Variants in NCOA2 observed in about 807,000 individuals in gnomAD.
The protein encoded by NCOA2 is nuclear receptor coactivator 2, also known as class E basic helix-loop-helix protein 75.
NCOA2 carries 21 observed loss-of-function variants against 145.1 expected under a neutral mutation model. The observed-to-expected ratio is 0.14, with a 90% CI of 0.10 to 0.21. The LOEUF is 0.21. Among genes scored for constraint, NCOA2 ranks in the 10% least tolerant of loss-of-function variants. The pLI is 1.00. For missense variants in NCOA2, 1,472 were observed against 1,837.6 expected, an observed-to-expected ratio of 0.80 and a Z score of 3.64; for synonymous variants, 619 against 637.5, an observed-to-expected ratio of 0.97 and a Z score of 0.44.
At chr8:70,204,474 T>C (rs779938454) in intron 4 of NCOA2, among the ~76,000 whole-genome samples, 4 of 152,196 alleles carry the variant, frequency 2.6e-5, no homozygotes, top group Non-Finnish European at 5.9e-5. Context: ...AACAAAAATA[T>C]TGTAAATAAT....
chr8:70,324,678 C>T (rs912179733), intron 1 of NCOA2, among the ~76,000 whole-genome samples: 39 of 152,150 alleles, frequency 2.6e-4, no homozygotes, highest in African/African-American at 9.4e-4. Context: ...GATCAACAAC[C>T]TTTAAAAGAA....
At chr8:70,355,333 A>G (rs932689608) in intron 1 of NCOA2, among the ~76,000 whole-genome samples, 1 of 152,196 alleles carries the variant, frequency 6.6e-6, no homozygotes, top group Non-Finnish European at 1.5e-5. Context: ...TCAAGCCAGA[A>G]TATCTCGCAA....
rs534586071 is a variant in NCOA2, at chr8:70,273,697, T to C, written c.-20+23047A>G. ...TCTTAAACCAGCTTGGTGCAGGCAG[T>C]CTGACTAGTTTAAGGACTGGCTGAA... is the stretch of plus-strand genomic sequence containing the variant. On this transcript the variant is annotated intron_variant, in intron 2 of 22. Transcript: ENST00000452400. The C allele has an allele frequency of 2.8e-4, 183 of 643,004 alleles. No homozygotes were observed. In the African/African-American group the frequency reaches 2.9e-3, roughly 10 times the overall value. The allele number at this position is 643,004 out of a possible 1,614,324, so 39.8% of individuals were successfully genotyped here.
chr8:70,173,915 C>T (rs1814535466), intron 5 of NCOA2, among the ~76,000 whole-genome samples: 1 of 152,194 alleles, frequency 6.6e-6, no homozygotes, highest in South Asian at 2.1e-4. Context: ...TTATTGTCTG[C>T]TGCAGCAAGC....
chr8:70,310,015 G>A (rs1828188850), intron 1 of NCOA2, among the ~76,000 whole-genome samples: 1 of 151,580 alleles, frequency 6.6e-6, no homozygotes, highest in African/African-American at 2.4e-5. Context: ...GCTTTTTATG[G>A]ACATAACCAA....
intron 1 of NCOA2, among the ~76,000 whole-genome samples, chr8:70,313,057 T>C (rs1342862435): frequency 1.3e-5 from 2 of 152,198 alleles, no homozygotes; most frequent in Non-Finnish European, 2.9e-5. Context: ...GATCTGTATC[T>C]AAAATTGGGA....
At chr8:70,249,832 T>C (rs1461027665) in intron 2 of NCOA2, among the ~76,000 whole-genome samples, 1 of 149,794 alleles carries the variant, frequency 6.7e-6, no homozygotes, top group Admixed American at 6.7e-5. Context: ...GGCGTGGTGG[T>C]GTGTGCCTGT....
intron 2 of NCOA2, among the ~76,000 whole-genome samples, chr8:70,253,557 C>T (rs758209851): frequency 4.0e-5 from 6 of 150,306 alleles, no homozygotes; most frequent in African/African-American, 1.2e-4. Flanking sequence ...TGTCAAATAC[C>T]GCCCAGAAAA....
At position 70,151,759 on chromosome 8, in the gene NCOA2, T is replaced by C. The variant is rs546090259; in HGVS notation, c.2395-3276A>G. Among the ~76,000 whole-genome samples, 5 of 152,348 alleles carry C rather than the reference T, an allele frequency of 3.3e-5. No homozygotes were observed. The East Asian group carries it at 9.6e-4, about 29-fold the overall frequency. The stretch of plus-strand genomic sequence containing the variant: ...GATAATATTGCTTTGCCTGTGTTTA[T>C]TCCTTGTCAATTTATGGAGTACACA... On this transcript the variant is annotated intron_variant, in intron 11 of 22. Transcript: ENST00000452400.
chr8:70,194,472 G>T (rs1383044607), intron 4 of NCOA2, among the ~76,000 whole-genome samples: 1 of 152,044 alleles, frequency 6.6e-6, no homozygotes, highest in Non-Finnish European at 1.5e-5. Context: ...TTTATCTAGA[G>T]GTTACATCGC....
upstream of NCOA2, among the ~76,000 whole-genome samples, chr8:70,406,594 A>G (rs1288388782): frequency 6.6e-6 from 1 of 152,214 alleles, no homozygotes; most frequent in Non-Finnish European, 1.5e-5. Context: ...CATACCGTGA[A>G]TGGATGAGGC....
intron 1 of NCOA2, among the ~76,000 whole-genome samples, chr8:70,323,311 T>C (rs911855901): frequency 3.9e-5 from 6 of 152,222 alleles, no homozygotes; most frequent in Admixed American, 2.6e-4. Context: ...GTATAATGGC[T>C]AGCTAAAGTT....
intron 1 of NCOA2, among the ~76,000 whole-genome samples, chr8:70,397,078 C>A (rs1027301704): frequency 6.6e-6 from 1 of 152,182 alleles, no homozygotes; most frequent in Non-Finnish European, 1.5e-5. Context: ...ATCAAAAAAG[C>A]CTGTATCAGG....
At chr8:70,328,666 C>T (rs892931928) in intron 1 of NCOA2, among the ~76,000 whole-genome samples, 2 of 152,138 alleles carry the variant, frequency 1.3e-5, no homozygotes, top group Non-Finnish European at 2.9e-5. Flanking sequence ...CACACCTATT[C>T]ATCTGTACAC....
chr8:70,187,191 C>T (rs1049385862), intron 4 of NCOA2, among the ~76,000 whole-genome samples: 1 of 152,162 alleles, frequency 6.6e-6, no homozygotes, highest in Admixed American at 6.5e-5. Flanking sequence ...AAGCCCAGCA[C>T]AAGTGTGAAA....
intron 1 of NCOA2, among the ~76,000 whole-genome samples, chr8:70,371,346 T>A (rs1811198388): frequency 2.0e-5 from 3 of 151,882 alleles, no homozygotes; most frequent in Non-Finnish European, 4.4e-5. Context: ...AACGTACACC[T>A]GAAAATGGTT....
chr8:70,173,872 G>A (rs80031681), intron 5 of NCOA2, among the ~76,000 whole-genome samples: 2 of 152,032 alleles, frequency 1.3e-5, no homozygotes, highest in African/African-American at 2.4e-5. Context: ...AGATAAGGGG[G>A]ACTATTGGTT....
chr8:70,318,668 T>C (rs754577947), intron 1 of NCOA2, among the ~76,000 whole-genome samples: 2 of 152,042 alleles, frequency 1.3e-5, no homozygotes, highest in Non-Finnish European at 2.9e-5. Flanking sequence ...CTCGGGAGGC[T>C]GTGGGAGGAT....
the NCOA2 span, among the ~76,000 whole-genome samples, chr8:70,428,762 C>A: frequency 1.3e-5 from 2 of 151,876 alleles, no homozygotes; most frequent in African/African-American, 4.8e-5. Flanking sequence ...AGCAGTGTGC[C>A]CAAAGCAAGG....
Sources: allele counts gnomAD v4.1 joint callset (sites outside exome capture counted in the v4.1 genomes callset), GRCh38; gene constraint gnomAD v4.1.1; transcripts MANE v1.5; gene names NCBI Gene and HGNC (gene_info 2026-07-23, HGNC 2026-07-21).